DPP6: variants seen among roughly 807,000 people sequenced by gnomAD.
DPP6 encodes dipeptidyl peptidase like 6, also known as A-type potassium channel modulatory protein DPP6.
DPP6 carries 69 observed loss-of-function variants against 122.6 expected under a neutral mutation model. The ratio of observed to expected loss-of-function variants is 0.56; its 90% confidence interval spans 0.46 to 0.69. The LOEUF is 0.69. DPP6 is among the 30% of genes least tolerant of loss of function. The pLI is 0.00. For missense variants in DPP6, 928 were observed against 1,116.9 expected (o/e 0.83, Z 2.41); for synonymous variants, 418 against 433.1 (o/e 0.97, Z 0.43).
chr7:154,753,654 A>G (rs113389644), intron 8 of DPP6, among the ~76,000 whole-genome samples: 2,545 of 152,226 alleles, frequency 0.017, 74 homozygotes, highest in African/African-American at 0.058. Flanking sequence ...CAGTCCCCAC[A>G]GCGACTTCTG....
chr7:153,811,113 G>A, the DPP6 span, among the ~76,000 whole-genome samples: 2 of 152,064 alleles, frequency 1.3e-5, no homozygotes, highest in African/African-American at 4.8e-5. Flanking sequence ...AGTCAGGGAG[G>A]CTGGACAGCA....
At chr7:154,464,653 A>G (rs1371096767) in intron 2 of DPP6, among the ~76,000 whole-genome samples, 3 of 152,342 alleles carry the variant, frequency 2.0e-5, no homozygotes, top group Non-Finnish European at 2.9e-5. Context: ...CATTCCAGTC[A>G]AGTGGACTTT....
intron 23 of DPP6, 124 bp downstream of exon 23, chr7:154,887,858 C>T: frequency 9.0e-7 from 1 of 1,114,842 alleles, no homozygotes; most frequent in South Asian, 1.2e-5. Flanking sequence ...CTCACCAGCA[C>T]CAAAGCCCAC....
chr7:154,750,378 G>A (rs1169658390), intron 8 of DPP6, among the ~76,000 whole-genome samples: 1 of 152,244 alleles, frequency 6.6e-6, no homozygotes, highest in Non-Finnish European at 1.5e-5. Flanking sequence ...CGCCTGTGCC[G>A]GAGCAGGCCG....
At chr7:154,027,014 A>G (rs1026403550) in intron 1 of DPP6, 2 of 146,316 alleles carry the variant, frequency 1.4e-5, no homozygotes, top group African/African-American at 5.1e-5. Flanking sequence ...TCCAGTCTCC[A>G]CTGCTTCACA....
chr7:154,825,433 T>A (rs1057034267), intron 16 of DPP6, among the ~76,000 whole-genome samples: 2 of 152,226 alleles, frequency 1.3e-5, no homozygotes, highest in South Asian at 4.1e-4. Flanking sequence ...ATAAATTGTC[T>A]TCCAAGAAAA....
intron 3 of DPP6, among the ~76,000 whole-genome samples, chr7:154,520,775 C>T (rs1826909323): frequency 1.3e-5 from 2 of 152,190 alleles, no homozygotes; most frequent in Non-Finnish European, 2.9e-5. Flanking sequence ...AATTCACTTG[C>T]GTCTAGTAAG....
At chr7:154,518,616 T>G (rs1018718572) in intron 3 of DPP6, among the ~76,000 whole-genome samples, 8 of 152,154 alleles carry the variant, frequency 5.3e-5, no homozygotes, top group African/African-American at 1.9e-4. Flanking sequence ...ATACTTGATC[T>G]CTAGGATACA....
chr7:154,740,568 C>T (rs987314672), intron 8 of DPP6, among the ~76,000 whole-genome samples: 2 of 152,242 alleles, frequency 1.3e-5, no homozygotes, highest in South Asian at 2.1e-4. Flanking sequence ...TAATGCTAAA[C>T]TCCTTTCCGT....
intron 1 of DPP6, among the ~76,000 whole-genome samples, chr7:154,135,757 G>C (rs867112465): frequency 6.7e-6 from 1 of 150,048 alleles, no homozygotes; most frequent in Non-Finnish European, 1.5e-5. Flanking sequence ...CTTCCTATCT[G>C]TGCACTTCCT....
intron 1 of DPP6, among the ~76,000 whole-genome samples, chr7:153,983,224 T>C (rs1030218398): frequency 6.6e-6 from 1 of 152,232 alleles, no homozygotes; most frequent in Non-Finnish European, 1.5e-5. Context: ...GCTGCTGCCT[T>C]TCTTTCAGAG....
intron 5 of DPP6, among the ~76,000 whole-genome samples, chr7:154,567,343 A>T (rs1830825368): frequency 6.6e-6 from 1 of 152,194 alleles, no homozygotes; most frequent in Non-Finnish European, 1.5e-5. Flanking sequence ...TGAAGAGCTG[A>T]AGCTATCACT....
chr7:154,155,917 G>A lies in DPP6; in HGVS notation c.243+102854G>A, dbSNP rs550721884. Among the ~76,000 whole-genome samples the A allele has an allele frequency of 1.9e-3, 291 of 152,276 alleles. 2 individuals are homozygous for A. Among genetic ancestry groups the A allele is most frequent in the African/African-American group, 6.7e-3 (280 of 41,556 alleles). ...GTATGTTTATTGTGTACTCCCAATG[G>A]TTGTCTTAGAAAACCAAGGATGGTG... On this transcript the variant is annotated intron_variant, in intron 1 of 25. Transcript: ENST00000377770.
Position 154,772,900 on chromosome 7 carries a change from C to T in DPP6, c.1094C>T (p.Thr365Ile), listed in dbSNP as rs754196895. The change falls in exon 10 of 26, where the codon ACC (threonine) becomes ATC (isoleucine). Residue 365 changes from threonine (T) to isoleucine (I), a missense_variant. Coordinates refer to ENST00000377770, the MANE Select transcript of DPP6 (RefSeq NM_130797.4). ...SLHVIGLNGP[T>I]HDLEMMPPDD... ...CACGTTATTGGCTTAAATGGACCCA[C>T]CCATGATCTGGAGATGATGCCGCCT... The T allele has an allele frequency of 2.5e-6, 4 of 1,612,842 alleles. No individual in the cohort carries two copies. Among genetic ancestry groups the T allele is most frequent in the South Asian group, 1.1e-5 (1 of 90,842 alleles).
intron 3 of DPP6, among the ~76,000 whole-genome samples, chr7:154,497,001 A>G (rs564205890): frequency 5.3e-4 from 81 of 152,236 alleles, no homozygotes; most frequent in South Asian, 4.8e-3. Context: ...AGGACCTACT[A>G]TGTGACAGGG....
At chr7:154,280,585 T>G (rs1211165099) in intron 1 of DPP6, among the ~76,000 whole-genome samples, 2 of 140,090 alleles carry the variant, frequency 1.4e-5, no homozygotes, top group East Asian at 4.3e-4. Context: ...CAAATATGAC[T>G]ATTAATAATT....
chr7:154,635,642 C>T (rs11765848), intron 5 of DPP6, among the ~76,000 whole-genome samples: 8,293 of 152,254 alleles, frequency 0.054, 269 homozygotes, highest in Non-Finnish European at 0.07. Context: ...GTCAGGAACT[C>T]GAGAACATCT....
intron 1 of DPP6, among the ~76,000 whole-genome samples, chr7:154,224,161 G>A (rs1386611449): frequency 2.7e-5 from 4 of 148,586 alleles, no homozygotes; most frequent in East Asian, 2.0e-4. Flanking sequence ...AACCATGATG[G>A]TGATGGTTGA....
chr7:154,377,216 G>A (rs1301021691), intron 1 of DPP6, among the ~76,000 whole-genome samples: 1 of 152,186 alleles, frequency 6.6e-6, no homozygotes, highest in East Asian at 1.9e-4. Flanking sequence ...AAATGGGGCA[G>A]TGAGTCATGA....
Sources: gnomAD v4.1 joint callset for allele counts (sites outside exome capture counted in the v4.1 genomes callset) on GRCh38, gnomAD v4.1.1 for gene constraint, MANE v1.5 for transcripts, NCBI Gene and HGNC (gene_info 2026-07-23, HGNC 2026-07-21) for gene names.